The following ZNF292 variants were observed in gnomAD, a reference collection of about 807,000 sequenced individuals.
ZNF292 encodes 16 zinc-finger domain protein.
Under a neutral mutation model 217.9 loss-of-function variants are expected in ZNF292, and 26 were observed. The ratio of observed to expected loss-of-function variants is 0.12; its 90% CI spans 0.09 to 0.17. The LOEUF (loss-of-function observed/expected upper bound fraction) is 0.17, where lower values mean the gene tolerates loss of function less well. ZNF292 is among the 10% of genes least tolerant of loss of function. The probability of loss-of-function intolerance (pLI) is 1.00; values close to 1 mark genes in which losing one functional copy is unlikely to be tolerated. For missense variants in ZNF292, 2,904 were observed against 3,175.2 expected (o/e 0.91, Z 2.05); for synonymous variants, 1,257 against 1,124.1 (o/e 1.12, Z -2.37).
chr6:87,260,567 C>T lies in ZNF292; in HGVS notation c.6938C>T (p.Ser2313Phe). ...SSKANQEKSK[S>F]KHRGTKHSRC... Reference sequence around the variant, plus strand: ...AAGGCAAACCAAGAAAAATCAAAGTCTAAACATCGGGGGACCAAGCACAGC... The same window carrying T: ...AAGGCAAACCAAGAAAAATCAAAGTTTAAACATCGGGGGACCAAGCACAGC... Residue 2313 changes from serine to phenylalanine, a missense_variant, in exon 8 of 8, where the codon TCT becomes TTT. Around this residue, in one of 15 missense-constraint regions of ZNF292, gnomAD observed 101 missense variants for 89.5 expected, o/e 1.13. Transcript: ENST00000369577. The T allele has an allele frequency of 6.2e-7, 1 of 1,612,956 alleles. No individual in the cohort carries two copies. Among genetic ancestry groups the T allele is most frequent in the Non-Finnish European group, 8.5e-7 (1 of 1,179,596 alleles).
intron 1 of ZNF292, among the ~76,000 whole-genome samples, chr6:87,213,440 C>A (rs1022964157): frequency 9.2e-5 from 14 of 152,170 alleles, no homozygotes; most frequent in African/African-American, 3.1e-4. Context: ...ACGCAGGTAT[C>A]CCCTACTGCT....
chr6:87,199,088 T>C (rs1772037292), intron 1 of ZNF292, among the ~76,000 whole-genome samples: 1 of 152,214 alleles, frequency 6.6e-6, no homozygotes, highest in Admixed American at 6.5e-5. Flanking sequence ...AAACTGACTA[T>C]CCAAAGTGAC....
Position 87,259,047 on chromosome 6 carries a change from A to G in ZNF292, c.5418A>G (p.Leu1806=), listed in dbSNP as rs1775406684. The G allele has an allele frequency of 6.2e-7, 1 of 1,613,386 alleles. No individual in the cohort carries two copies. ...TAAACACTGTGCAAAATAACAAATT[A>G]CCCGATTCTTCTCCGTTTTCCTCCT... The part of the protein sequence containing the change: ...PSVNTVQNNK[L]PDSSPFSSFI... The change falls in exon 8 of 8, where the codon TTA becomes TTG. Residue 1806 remains leucine (L), a synonymous_variant. Coordinates refer to ENST00000369577, the MANE Select transcript of ZNF292 (RefSeq NM_015021.3).
In ZNF292 at chr6:87,259,515, T is replaced by A; in HGVS notation, c.5886T>A (p.Ser1962=). The change falls in exon 8 of 8, where the codon TCT becomes TCA. Residue 1962 remains serine (S), a synonymous_variant. Transcript: ENST00000369577. ...GTACAAAAACATTTACAAGAAATTC[T>A]AACCTCCGGGCACACTGTCAGTTGG... is the stretch of plus-strand genomic sequence containing the variant. ...PTCTKTFTRN[S]NLRAHCQLVH... 1 of 1,587,810 alleles carries A rather than the reference T, an allele frequency of 6.3e-7. No individual in the cohort carries two copies. The highest frequency in any genetic ancestry group is 2.3e-5 in the East Asian group (1 of 43,872).
intron 7 of ZNF292, among the ~76,000 whole-genome samples, chr6:87,249,646 A>G (rs531910917): frequency 1.3e-5 from 2 of 152,292 alleles, no homozygotes; most frequent in South Asian, 4.1e-4. Flanking sequence ...TTCTGGTGTA[A>G]TAACTCTCTT....
chr6:87,230,526 T>G (rs1220650044), intron 4 of ZNF292, among the ~76,000 whole-genome samples: 1 of 151,958 alleles, frequency 6.6e-6, no homozygotes, highest in African/African-American at 2.4e-5. Flanking sequence ...GAGGTCAGGA[T>G]ATCAAGACCA....
intron 4 of ZNF292, among the ~76,000 whole-genome samples, chr6:87,229,678 G>C (rs1394764632): frequency 6.6e-6 from 1 of 152,090 alleles, no homozygotes; most frequent in Non-Finnish European, 1.5e-5. Context: ...CACCTGCCTT[G>C]GCCTCCCAAA....
At chr6:87,217,462 G>A (rs1772846030) in intron 3 of ZNF292, among the ~76,000 whole-genome samples, 1 of 151,962 alleles carries the variant, frequency 6.6e-6, no homozygotes, top group South Asian at 2.1e-4. Context: ...TCCGTAACTT[G>A]TATCTTAGGT....
chr6:87,196,506 C>G lies in ZNF292; in HGVS notation c.169-19397C>G, dbSNP rs115410491. Among the ~76,000 whole-genome samples the G allele has an allele frequency of 3.6e-3, 552 of 152,282 alleles. 2 individuals are homozygous for G. Among genetic ancestry groups the G allele is most frequent in the African/African-American group, 0.013 (531 of 41,554 alleles). On this transcript the variant is annotated intron_variant, in intron 1 of 7. Transcript: ENST00000369577. ...CATATACTGAATAACAAATAGGTGC[C>G]CAGTAACCAGTTGCTGTCAAATTTT...
At chr6:87,162,269 A>T (rs1770776940) in intron 1 of ZNF292, among the ~76,000 whole-genome samples, 1 of 152,224 alleles carries the variant, frequency 6.6e-6, no homozygotes, top group Non-Finnish European at 1.5e-5. Context: ...AGAGCTACAG[A>T]ATGTTTAGAT....
Position 87,256,582 on chromosome 6 carries a change from G to C in ZNF292, c.2953G>C (p.Gly985Arg). ...EDTCNDLCHP[G>R]FQERKEQDCF... Reference sequence around the variant, plus strand: ...TACTTGTAATGATTTGTGTCATCCAGGTTTCCAGGAGAGAAAAGAACAAGA... The same window carrying C: ...TACTTGTAATGATTTGTGTCATCCACGTTTCCAGGAGAGAAAAGAACAAGA... Residue 985 changes from glycine (G) to arginine (R), a missense_variant, in exon 8 of 8, where the codon GGT becomes CGT. Transcript: ENST00000369577. 1.2e-6 allele frequency: 2 copies of C among 1,613,576 alleles called. No homozygotes were observed. The highest frequency in any genetic ancestry group is 1.7e-5 in the Admixed American group (1 of 59,992).
chr6:87,180,058 G>T (rs1040869629), intron 1 of ZNF292, among the ~76,000 whole-genome samples: 2 of 152,150 alleles, frequency 1.3e-5, no homozygotes, highest in Admixed American at 1.3e-4. Context: ...TAGGCCAGGG[G>T]TGTCCAATGT....
chr6:87,155,640 G>A lies in ZNF292; in HGVS notation c.49G>A (p.Gly17Ser). ...EQERLSCGEG[G>S]CVAELQRLGE... is the part of the protein sequence containing the mutation. The stretch of plus-strand genomic sequence containing the variant: ...GGAGAGGTTGAGTTGCGGCGAAGGC[G>A]GCTGCGTCGCGGAGCTGCAGCGCCT... The change falls in exon 1 of 8, where the codon GGC becomes AGC. Residue 17 changes from glycine to serine, a missense_variant. Coordinates refer to ENST00000369577, the MANE Select transcript of ZNF292 (RefSeq NM_015021.3). 6.3e-7 allele frequency: 1 copy of A among 1,582,732 alleles called. No individual in the cohort carries two copies. Among genetic ancestry groups the A allele is most frequent in the South Asian group, 1.2e-5 (1 of 86,668 alleles).
chr6:87,235,489 A>G (rs1436446964), intron 5 of ZNF292, among the ~76,000 whole-genome samples: 1 of 151,894 alleles, frequency 6.6e-6, no homozygotes, highest in African/African-American at 2.4e-5. Flanking sequence ...CTGTTAGGAA[A>G]CTGACTATCT....
chr6:87,169,794 G>A (rs1353691213), intron 1 of ZNF292: 3 of 357,362 alleles, frequency 8.4e-6, no homozygotes, highest in African/African-American at 6.5e-5. Flanking sequence ...CTACAGATGT[G>A]CGCTACCATG....
intron 1 of ZNF292, among the ~76,000 whole-genome samples, chr6:87,175,021 G>A (rs1186183143): frequency 2.6e-5 from 4 of 152,158 alleles, no homozygotes; most frequent in Non-Finnish European, 5.9e-5. Context: ...CTTCTCGTAT[G>A]TGTACTTGAT....
chr6:87,157,691 A>G (rs1294139709), intron 1 of ZNF292, among the ~76,000 whole-genome samples: 1 of 151,824 alleles, frequency 6.6e-6, no homozygotes, highest in African/African-American at 2.4e-5. Flanking sequence ...ATTTTTATTT[A>G]TTTATTTATT....
At chr6:87,230,891 G>T (rs1254862674) in intron 4 of ZNF292, among the ~76,000 whole-genome samples, 2 of 152,124 alleles carry the variant, frequency 1.3e-5, no homozygotes, top group African/African-American at 4.8e-5. Context: ...CTGCTTTTCT[G>T]TTGAAGTCTG....
At chr6:87,176,349 A>C (rs779498874) in intron 1 of ZNF292, among the ~76,000 whole-genome samples, 10 of 152,160 alleles carry the variant, frequency 6.6e-5, no homozygotes, top group Non-Finnish European at 1.2e-4. Context: ...AATAAACTGG[A>C]GGGGAGCTTA....
Sources: allele counts gnomAD v4.1 joint callset (sites outside exome capture counted in the v4.1 genomes callset), GRCh38; gene constraint gnomAD v4.1.1; regional missense constraint gnomAD v4.1.1; transcripts MANE v1.5; gene names NCBI Gene and HGNC (gene_info 2026-07-23, HGNC 2026-07-21).